The following TKT variants were observed in gnomAD, a reference collection of about 807,000 sequenced individuals.
TKT encodes epididymis luminal protein 107.
TKT carries 47 observed loss-of-function variants against 63.9 expected under a neutral mutation model. The ratio of observed to expected loss-of-function variants is 0.74; its 90% CI spans 0.58 to 0.94. TKT has a LOEUF of 0.94. Among genes scored for constraint, TKT ranks in the 40% least tolerant of loss-of-function variants. The pLI, the probability that TKT is intolerant of heterozygous loss-of-function variation, is 0.00. For synonymous variants in TKT, 338 were observed against 334.1 expected (o/e 1.01, Z -0.13); for missense variants, 721 against 846.2 (o/e 0.85, Z 1.84).
intron 1 of TKT, among the ~76,000 whole-genome samples, chr3:53,248,461 T>A (rs1705609490): frequency 6.6e-6 from 1 of 152,152 alleles, no homozygotes; most frequent in African/African-American, 2.4e-5. Flanking sequence ...CAACATACCC[T>A]GTCTCTACAA....
Sources: allele counts gnomAD v4.1 joint callset (sites outside exome capture counted in the v4.1 genomes callset), GRCh38; gene constraint gnomAD v4.1.1; transcripts MANE v1.5; gene names NCBI Gene and HGNC (gene_info 2026-07-23, HGNC 2026-07-21).